The following DIP2B variants were observed in gnomAD, a reference collection of about 807,000 sequenced individuals.
DIP2B encodes disco-interacting protein 2 homolog B.
A neutral mutation model predicts 198.0 loss-of-function variants in DIP2B; 76 were observed. The observed-to-expected ratio is 0.38, with a 90% confidence interval of 0.32 to 0.46. DIP2B has a LOEUF of 0.46. Among genes scored for constraint, DIP2B ranks in the 20% least tolerant of loss-of-function variants. The probability of loss-of-function intolerance (pLI) is 0.99; values close to 1 mark genes in which losing one functional copy is unlikely to be tolerated. For missense variants in DIP2B, 1,559 were observed against 1,978.4 expected, an observed-to-expected ratio of 0.79 and a Z score of 4.02; for synonymous variants, 701 against 739.1, an observed-to-expected ratio of 0.95 and a Z score of 0.84.
chr12:50,623,646 T>A (rs954185503), intron 1 of DIP2B, among the ~76,000 whole-genome samples: 16 of 152,302 alleles, frequency 1.1e-4, no homozygotes, highest in South Asian at 1.0e-3. Context: ...AAAATTTTTT[T>A]AATTTTTTAC....
At chr12:50,672,590 G>A (rs774522821) in intron 5 of DIP2B, among the ~76,000 whole-genome samples, 2 of 152,168 alleles carry the variant, frequency 1.3e-5, no homozygotes, top group African/African-American at 2.4e-5. Flanking sequence ...CTACTACTCT[G>A]TGAAAAGTTA....
At chr12:50,542,583 T>C (rs1359170522) in intron 1 of DIP2B, among the ~76,000 whole-genome samples, 1 of 152,200 alleles carries the variant, frequency 6.6e-6, no homozygotes, top group Admixed American at 6.5e-5. Flanking sequence ...GATCTTATTA[T>C]ACTTGAGCTG....
rs1053019102 is a variant in DIP2B at position 50,520,546 on chromosome 12, T to C, written c.100+15306T>C. Among the ~76,000 whole-genome samples the C allele has an allele frequency of 1.2e-4, 19 of 152,228 alleles. 1 individual carries two copies. The stretch of plus-strand genomic sequence containing the variant: ...AACAAGCAGTGGTATGAGTTTTCCT[T>C]CCATAGTTCTTTGCTTGTTTTTCTT... On this transcript the variant is annotated intron_variant, in intron 1 of 37. Coordinates refer to ENST00000301180, the MANE Select transcript of DIP2B (RefSeq NM_173602.3).
chr12:50,688,834 A>G (rs1437389909), intron 12 of DIP2B, among the ~76,000 whole-genome samples: 1 of 151,862 alleles, frequency 6.6e-6, no homozygotes, highest in African/African-American at 2.4e-5. Context: ...AGTTGTCTTT[A>G]TTGGCTCTCC....
In DIP2B at chr12:50,695,834, T is replaced by C. The variant is rs1350308745; in HGVS notation, c.1814-14T>C. The C allele has an allele frequency of 1.2e-6, 2 of 1,613,664 alleles. No homozygotes were observed. Among genetic ancestry groups the C allele is most frequent in the South Asian group, 1.1e-5 (1 of 91,028 alleles). On this transcript the variant is annotated splice_polypyrimidine_tract_variant and intron_variant, in intron 15 of 37. Coordinates refer to ENST00000301180, the MANE Select transcript of DIP2B (RefSeq NM_173602.3). Reference sequence around the variant, plus strand: ...TTATTGTGTATGTTAACTTCATCCTTTTTGAATTTATAGCCAAGGTAGCTT... The same window carrying C: ...TTATTGTGTATGTTAACTTCATCCTCTTTGAATTTATAGCCAAGGTAGCTT...
intron 7 of DIP2B, among the ~76,000 whole-genome samples, chr12:50,675,898 G>A (rs1385317435): frequency 1.3e-5 from 2 of 152,114 alleles, no homozygotes; most frequent in African/African-American, 4.8e-5. Flanking sequence ...TGGTGAAAAG[G>A]TTCAAAGATT....
In DIP2B at chr12:50,735,065, T is replaced by C; in HGVS notation, c.4044-8T>C. The C allele has an allele frequency of 6.2e-7, 1 of 1,614,136 alleles. No homozygotes were observed. The highest frequency in any genetic ancestry group is 8.5e-7 in the Non-Finnish European group (1 of 1,180,010). On this transcript the variant is annotated splice_polypyrimidine_tract_variant and splice_region_variant and intron_variant, in intron 33 of 37. Transcript: ENST00000301180. ...GCCCTATATATAGTAAATACCGTTCTTCTGCAGGGTTCGTCTCGTGGAACG... is the reference window on the plus strand; with the variant it reads ...GCCCTATATATAGTAAATACCGTTCCTCTGCAGGGTTCGTCTCGTGGAACG...
intron 3 of DIP2B, among the ~76,000 whole-genome samples, chr12:50,658,927 A>G (rs1455314796): frequency 1.3e-5 from 2 of 152,194 alleles, no homozygotes; most frequent in East Asian, 3.8e-4. Flanking sequence ...CCTCTACTAA[A>G]AATGCAAAAA....
intron 1 of DIP2B, among the ~76,000 whole-genome samples, chr12:50,613,043 C>T (rs1340790246): frequency 6.6e-6 from 1 of 152,216 alleles, no homozygotes; most frequent in Non-Finnish European, 1.5e-5. Context: ...GTAGTGGCAA[C>T]TCTGAATATC....
At chr12:50,557,956 A>G (rs1289234506) in intron 1 of DIP2B, among the ~76,000 whole-genome samples, 4 of 152,066 alleles carry the variant, frequency 2.6e-5, no homozygotes, top group Admixed American at 1.3e-4. Context: ...AGATTAGCCT[A>G]TGTAACAGAG....
chr12:50,718,996 G>A lies in DIP2B; in HGVS notation c.3003G>A (p.Ala1001=), dbSNP rs539904792. The change falls in exon 25 of 38, where the codon GCG becomes GCA. Residue 1001 remains alanine (A), a synonymous_variant. Coordinates refer to ENST00000301180, the MANE Select transcript of DIP2B (RefSeq NM_173602.3). ...LAEILQWRAQ[A]TPDHVLFMLL... The stretch of plus-strand genomic sequence containing the variant: ...AGATCCTACAGTGGCGAGCCCAGGC[G>A]ACTCCTGACCATGTACTCTTCATGC... The A allele has an allele frequency of 1.4e-5, 23 of 1,614,144 alleles. No homozygotes were observed. Among genetic ancestry groups the A allele is most frequent in the South Asian group, 7.7e-5 (7 of 91,076 alleles).
intron 17 of DIP2B, 62 bp from the exon 18 acceptor site, chr12:50,698,266 G>C: frequency 6.4e-7 from 1 of 1,556,456 alleles, no homozygotes; most frequent in Non-Finnish European, 8.7e-7. Flanking sequence ...GTCTTCCTAT[G>C]TATTTGTATT....
chr12:50,568,396 A>G (rs1958584366), intron 1 of DIP2B, among the ~76,000 whole-genome samples: 1 of 152,204 alleles, frequency 6.6e-6, no homozygotes, highest in African/African-American at 2.4e-5. Context: ...AGATAGGGCC[A>G]GCGGAGGAAA....
chr12:50,604,289 A>G (rs1285500881), intron 1 of DIP2B, among the ~76,000 whole-genome samples: 1 of 152,174 alleles, frequency 6.6e-6, no homozygotes, highest in African/African-American at 2.4e-5. Context: ...TGTTGGCAGC[A>G]TGCAAGCATA....
At chr12:50,575,766 A>AT (rs940669147) in intron 1 of DIP2B, among the ~76,000 whole-genome samples, 3 of 146,692 alleles carry the variant, frequency 2.0e-5, no homozygotes, top group Non-Finnish European at 4.5e-5. Context: ...GGCAGCCAAT[A>AT]TTTTTTTTTG....
intron 1 of DIP2B, among the ~76,000 whole-genome samples, chr12:50,588,145 TTC>T (rs1555185871): frequency 6.6e-6 from 1 of 151,224 alleles, no homozygotes; most frequent in African/African-American, 2.4e-5. Context: ...TCTTTTTTTT[TTC>T]TTTTTCTTTT....
Position 50,532,601 on chromosome 12 carries a change from A to G in DIP2B, c.100+27361A>G, listed in dbSNP as rs547025087. On this transcript the variant is annotated intron_variant, in intron 1 of 37. Transcript: ENST00000301180. The stretch of plus-strand genomic sequence containing the variant: ...AAGACATACAAAAAAACCCACCAGC[A>G]TTTAAGCAGCTGTGCTTCTGTGGAA... Among the ~76,000 whole-genome samples, 7 of 152,342 alleles carry G rather than the reference A, an allele frequency of 4.6e-5. No homozygotes were observed. The South Asian group carries it at 1.0e-3, about 23-fold the overall frequency.
At chr12:50,723,394 C>T (rs2139589102) in intron 27 of DIP2B, 71 bp downstream of exon 27, 1 of 1,578,618 alleles carries the variant, frequency 6.3e-7, no homozygotes, top group Non-Finnish European at 8.6e-7. Context: ...AGGATCCTTA[C>T]TAATTTTCCA....
At chr12:50,545,204 G>A (rs758187104) in intron 1 of DIP2B, among the ~76,000 whole-genome samples, 5 of 152,120 alleles carry the variant, frequency 3.3e-5, no homozygotes, top group Non-Finnish European at 5.9e-5. Context: ...AGCTTCAGTG[G>A]TATTACCAGT....
Sources: gnomAD v4.1 joint callset for allele counts (sites outside exome capture counted in the v4.1 genomes callset) on GRCh38, gnomAD v4.1.1 for gene constraint, MANE v1.5 for transcripts, NCBI Gene and HGNC (gene_info 2026-07-23, HGNC 2026-07-21) for gene names.